GNS: variants seen among roughly 807,000 people sequenced by gnomAD.
GNS encodes the protein glucosamine (N-acetyl)-6-sulfatase.
In GNS, 40 loss-of-function variants were observed where a neutral mutation model predicts 69.7. That is an observed-to-expected ratio of 0.57 (90% CI 0.45 to 0.75). The LOEUF (loss-of-function observed/expected upper bound fraction) is 0.75, where lower values mean the gene tolerates loss of function less well. GNS is among the 30% of genes least tolerant of loss of function. The probability of loss-of-function intolerance (pLI) is 0.00; values close to 1 mark genes in which losing one functional copy is unlikely to be tolerated. For missense variants in GNS, 565 were observed against 685.5 expected (o/e 0.82, Z 1.96); for synonymous variants, 243 against 251.6 (o/e 0.97, Z 0.32).
Position 64,744,991 on chromosome 12 carries a change from C to G in GNS, c.526-84G>C, listed in dbSNP as rs1236208254. On this transcript the variant is annotated intron_variant, in intron 4 of 13. Transcript: ENST00000258145. ...AATCCGTGCTGGGCTAAACTCTACTCTGAGCAGTGATAAGACATTAAAAAG... is the reference window on the plus strand; with the variant it reads ...AATCCGTGCTGGGCTAAACTCTACTGTGAGCAGTGATAAGACATTAAAAAG... The G allele has an allele frequency of 4.1e-6, 3 of 739,020 alleles. No individual in the cohort carries two copies. The East Asian group carries it at 7.7e-5, about 19-fold the overall frequency. The allele number at this position is 739,020 out of a possible 1,614,324, so 45.8% of individuals were successfully genotyped here.
rs564992072 is a variant in GNS, at chr12:64,744,213, G to A, written c.624+596C>T. Among the ~76,000 whole-genome samples, 100 of 152,330 alleles carry A rather than the reference G, an allele frequency of 6.6e-4. 1 individual carries two copies. The highest frequency in any genetic ancestry group is 3.4e-3 in the Middle Eastern group (1 of 294). On this transcript the variant is annotated intron_variant, in intron 5 of 13. Transcript: ENST00000258145. ...AATGATGCAACACGTAAGACTGTGT[G>A]TGTTTGTGTGTGTAAATAAAATTAA...
At chr12:64,720,904 T>A (rs192730051) in intron 12 of GNS, among the ~76,000 whole-genome samples, 3 of 152,266 alleles carry the variant, frequency 2.0e-5, no homozygotes, top group Admixed American at 1.3e-4. Context: ...CTGATAAACA[T>A]TATGGGGGAG....
chr12:64,755,956 C>T (rs142697988), intron 1 of GNS, among the ~76,000 whole-genome samples: 114 of 152,174 alleles, frequency 7.5e-4, no homozygotes, highest in Non-Finnish European at 1.2e-3. Flanking sequence ...CGTGAGCCAC[C>T]GCGCCCGGCC....
Position 64,740,678 on chromosome 12 carries a change from C to A in GNS, c.803G>T (p.Trp268Leu). Residue 268 changes from tryptophan to leucine, a missense_variant, in exon 7 of 14, where the codon TGG (tryptophan) becomes TTG (leucine). Trp to Leu is a moderately conservative substitution (Grantham distance 61). Coordinates refer to ENST00000258145, the MANE Select transcript of GNS (RefSeq NM_002076.4). ...NFNIHGTNKH[W>L]LIRQAKTPMT... ...TGGAGTCTTGGCTTGCCTAATTAAC[C>A]AGTGCTTGTTCTAAAATTTAGAAGA... 6.5e-7 allele frequency: 1 copy of A among 1,548,354 alleles called. No individual in the cohort carries two copies. Among genetic ancestry groups the A allele is most frequent in the Non-Finnish European group, 8.9e-7 (1 of 1,120,362 alleles).
chr12:64,735,721 C>A (rs1869538973), intron 9 of GNS, among the ~76,000 whole-genome samples: 1 of 152,186 alleles, frequency 6.6e-6, no homozygotes, highest in African/African-American at 2.4e-5. Context: ...CAAACACCAA[C>A]CTCAAGAAAA....
intron 1 of GNS, among the ~76,000 whole-genome samples, chr12:64,757,284 T>C (rs1178873748): frequency 6.6e-6 from 1 of 152,186 alleles, no homozygotes; most frequent in Non-Finnish European, 1.5e-5. Context: ...AAGAAACAAC[T>C]CTGAATACCT....
intron 9 of GNS, among the ~76,000 whole-genome samples, chr12:64,731,577 C>T (rs961278700): frequency 6.6e-6 from 1 of 152,094 alleles, no homozygotes; most frequent in African/African-American, 2.4e-5. Flanking sequence ...TTTGAATAAG[C>T]GGACAGTCTC....
At chr12:64,727,297 G>A (rs1014686359) in intron 10 of GNS, among the ~76,000 whole-genome samples, 7 of 150,422 alleles carry the variant, frequency 4.7e-5, no homozygotes, top group Non-Finnish European at 7.4e-5. Flanking sequence ...TTAGCCAGAC[G>A]TGGTAGCCAG....
intron 6 of GNS, among the ~76,000 whole-genome samples, chr12:64,742,643 C>A (rs568948118): frequency 6.6e-6 from 1 of 152,362 alleles, no homozygotes; most frequent in African/African-American, 2.4e-5. Context: ...ACTGTCTATA[C>A]ACCAAGCCAA....
chr12:64,727,317 T>A (rs1024286063), intron 10 of GNS, among the ~76,000 whole-genome samples: 2 of 149,106 alleles, frequency 1.3e-5, no homozygotes, highest in Admixed American at 6.7e-5. Context: ...GCAACTGCAG[T>A]CCTAGCTACT....
chr12:64,718,247 T>C (rs952458445), intron 13 of GNS, among the ~76,000 whole-genome samples: 1 of 151,362 alleles, frequency 6.6e-6, no homozygotes, highest in South Asian at 2.1e-4. Context: ...CAGGCCCAAA[T>C]GTTTGATAGG....
chr12:64,753,023 C>T (rs1870129358), intron 1 of GNS: 1 of 501,554 alleles, frequency 2.0e-6, no homozygotes, highest in Admixed American at 3.4e-5. Context: ...CCTTATTAGT[C>T]ATCAGCGCCC....
chr12:64,751,451 C>T (rs778781644), intron 2 of GNS, among the ~76,000 whole-genome samples: 46 of 152,112 alleles, frequency 3.0e-4, no homozygotes, highest in Non-Finnish European at 5.9e-4. Flanking sequence ...GTCGGAACAA[C>T]ATTAAATGGA....
At chr12:64,729,270 A>G in intron 9 of GNS, 1 of 551,610 alleles carries the variant, frequency 1.8e-6, no homozygotes, top group Non-Finnish European at 3.2e-6. Flanking sequence ...ATAATAGTAT[A>G]TCCCCCTGGC....
At chr12:64,754,181 G>C (rs935725161) in intron 1 of GNS, among the ~76,000 whole-genome samples, 2 of 152,216 alleles carry the variant, frequency 1.3e-5, no homozygotes, top group Admixed American at 1.3e-4. Flanking sequence ...GAGGATAGAT[G>C]GTCCTCGCCC....
chr12:64,737,239 C>T (rs1300716492), intron 8 of GNS, 132 bp from the exon 9 acceptor site: 1 of 687,966 alleles, frequency 1.5e-6, no homozygotes, highest in East Asian at 2.7e-5. Context: ...TAATAGAAAG[C>T]TGAAATTTGC....
Position 64,729,050 on chromosome 12 carries a change from AC to A in GNS, c.1105del (p.Val369LeufsTer18). ...IKPNQTSKML[V>X]ANIDLGPTIL... Reference sequence around the variant, plus strand: ...AGTAGGACCCAAGTCAATGTTGGCAACCAGCATCTATGAGAATGAGGGAAAA... The same window carrying A: ...AGTAGGACCCAAGTCAATGTTGGCAACAGCATCTATGAGAATGAGGGAAAA... On this transcript the variant is annotated frameshift_variant, in exon 10 of 14. Transcript: ENST00000258145. LOFTEE classifies it high-confidence loss of function. The A allele has an allele frequency of 6.5e-7, 1 of 1,548,594 alleles. No individual in the cohort carries two copies. Among genetic ancestry groups the A allele is most frequent in the Non-Finnish European group, 8.9e-7 (1 of 1,120,284 alleles).
intron 10 of GNS, among the ~76,000 whole-genome samples, chr12:64,726,928 TAA>T (rs35762506): frequency 2.5e-4 from 37 of 147,322 alleles, no homozygotes; most frequent in East Asian, 3.9e-4. Context: ...AATAACACAA[TAA>T]AAAAAAAAAA....
intron 13 of GNS, among the ~76,000 whole-genome samples, chr12:64,717,022 G>C (rs1868883429): frequency 6.6e-6 from 1 of 152,166 alleles, no homozygotes; most frequent in African/African-American, 2.4e-5. Flanking sequence ...AAGTCACACA[G>C]TGCAAGTCAA....
Sources: gnomAD v4.1 joint callset for allele counts (sites outside exome capture counted in the v4.1 genomes callset) on GRCh38, gnomAD v4.1.1 for gene constraint, MANE v1.5 for transcripts, NCBI Gene and HGNC (gene_info 2026-07-23, HGNC 2026-07-21) for gene names.